NOS1AP: variants seen among roughly 807,000 people sequenced by gnomAD.
NOS1AP encodes the protein carboxyl-terminal PDZ ligand of neuronal nitric oxide synthase protein.
A neutral mutation model predicts 56.2 loss-of-function variants in NOS1AP; 21 were observed. That is an observed-to-expected ratio of 0.37 (90% CI 0.26 to 0.54). The LOEUF (loss-of-function observed/expected upper bound fraction) is 0.54, where lower values mean the gene tolerates loss of function less well. Among genes scored for constraint, NOS1AP ranks in the 20% least tolerant of loss-of-function variants. The pLI is 0.84. For missense variants in NOS1AP, 522 were observed against 657.8 expected, an observed-to-expected ratio of 0.79 and a Z score of 2.26; for synonymous variants, 270 against 274.6, an observed-to-expected ratio of 0.98 and a Z score of 0.17.
At chr1:162,239,292 T>A (rs1653404350) in intron 2 of NOS1AP, among the ~76,000 whole-genome samples, 1 of 152,216 alleles carries the variant, frequency 6.6e-6, no homozygotes, top group African/African-American at 2.4e-5. Flanking sequence ...GTCTAGGAAG[T>A]AGCCATTGTG....
chr1:162,101,150 C>T (rs1398620739), intron 1 of NOS1AP, among the ~76,000 whole-genome samples: 2 of 152,166 alleles, frequency 1.3e-5, no homozygotes, highest in African/African-American at 2.4e-5. Flanking sequence ...CAGTTTTCTA[C>T]ATATGGCTGG....
chr1:162,100,227 G>A (rs1396051669), intron 1 of NOS1AP, among the ~76,000 whole-genome samples: 3 of 151,948 alleles, frequency 2.0e-5, no homozygotes, highest in Non-Finnish European at 4.4e-5. Flanking sequence ...CACAATGGTT[G>A]AACTAGTTTA....
rs536598261 is a variant in NOS1AP at position 162,110,125 on chromosome 1, C to T, written c.105+39843C>T. Among the ~76,000 whole-genome samples the T allele has an allele frequency of 9.9e-5, 15 of 152,188 alleles. No individual in the cohort carries two copies. The East Asian group carries it at 1.2e-3, about 12-fold the overall frequency. ...AACCTGGGTCTCTGAACTTCCACTG[C>T]GCTGCATTCTACTGCTTTGCTCTCA... On this transcript the variant is annotated intron_variant, in intron 1 of 9. Transcript: ENST00000361897.
At chr1:162,303,494 A>G (rs1209002103) in intron 4 of NOS1AP, among the ~76,000 whole-genome samples, 1 of 152,136 alleles carries the variant, frequency 6.6e-6, no homozygotes, top group African/African-American at 2.4e-5. Context: ...AGGCTGGAGT[A>G]CCAGTGGTGT....
At chr1:162,082,903 T>C (rs772650170) in intron 1 of NOS1AP, among the ~76,000 whole-genome samples, 15 of 622 alleles carry the variant, frequency 0.024, 1 homozygote, top group Non-Finnish European at 1. Context: ...TTTTTTTTTT[T>C]TTTTTTTTTT....
intron 2 of NOS1AP, among the ~76,000 whole-genome samples, chr1:162,207,455 C>T (rs980628856): frequency 2.6e-5 from 4 of 152,172 alleles, no homozygotes; most frequent in Admixed American, 6.5e-5. Context: ...CAGAGCTGTT[C>T]GAGCTGGTTC....
chr1:162,304,780 CTGTGTGTG>C (rs3055849), intron 4 of NOS1AP, among the ~76,000 whole-genome samples: 206 of 146,192 alleles, frequency 1.4e-3, no homozygotes, highest in Non-Finnish European at 2.6e-3. Flanking sequence ...ATTTTTATAT[CTGTGTGTG>C]TGTGTGTGTG....
chr1:162,254,621 C>A (rs1002192017), intron 2 of NOS1AP, among the ~76,000 whole-genome samples: 1 of 152,156 alleles, frequency 6.6e-6, no homozygotes, highest in African/African-American at 2.4e-5. Flanking sequence ...CAGTAGCTAG[C>A]GTGTCACAAG....
chr1:162,265,223 TC>T (rs910334547), intron 2 of NOS1AP, among the ~76,000 whole-genome samples: 1 of 130,384 alleles, frequency 7.7e-6, no homozygotes, highest in Non-Finnish European at 1.6e-5. Context: ...AGGGTCGTTT[TC>T]TTTTTTTTTT....
At chr1:162,270,862 A>G (rs1234247313) in intron 2 of NOS1AP, among the ~76,000 whole-genome samples, 6 of 152,212 alleles carry the variant, frequency 3.9e-5, no homozygotes, top group African/African-American at 1.2e-4. Flanking sequence ...GTTGGTTGGC[A>G]TATCTGCCTG....
At chr1:162,311,832 G>T (rs1656042302) in intron 4 of NOS1AP, among the ~76,000 whole-genome samples, 1 of 144,056 alleles carries the variant, frequency 6.9e-6, no homozygotes, top group Non-Finnish European at 1.5e-5. Context: ...AATATGCGGT[G>T]TTTGGTTTTT....
intron 2 of NOS1AP, among the ~76,000 whole-genome samples, chr1:162,170,008 A>T (rs1268914000): frequency 6.6e-6 from 1 of 152,172 alleles, no homozygotes. Context: ...CTTTGCTACG[A>T]AATCTTCCCT....
chr1:162,139,215 A>T (rs1649130637), intron 1 of NOS1AP, among the ~76,000 whole-genome samples: 1 of 152,058 alleles, frequency 6.6e-6, no homozygotes, highest in Non-Finnish European at 1.5e-5. Flanking sequence ...TCCAGGGATG[A>T]GGTGGTTGAA....
chr1:162,310,290 G>C (rs1655983799), intron 4 of NOS1AP, among the ~76,000 whole-genome samples: 1 of 152,220 alleles, frequency 6.6e-6, no homozygotes, highest in Admixed American at 6.5e-5. Flanking sequence ...TGGTTTATAA[G>C]TGATGGGGTG....
chr1:162,265,259 G>C (rs1479750610), intron 2 of NOS1AP, among the ~76,000 whole-genome samples: 2 of 148,912 alleles, frequency 1.3e-5, no homozygotes, highest in African/African-American at 2.5e-5. Flanking sequence ...TTAAGTTTTA[G>C]GGTACATGTG....
chr1:162,330,921 G>A (rs1347530065), intron 4 of NOS1AP, among the ~76,000 whole-genome samples: 1 of 152,172 alleles, frequency 6.6e-6, no homozygotes, highest in Non-Finnish European at 1.5e-5. Context: ...AATGGAGGAA[G>A]CTGTTGAGAA....
Position 162,105,998 on chromosome 1 carries a change from C to A in NOS1AP, c.105+35716C>A, listed in dbSNP as rs185057571. Among the ~76,000 whole-genome samples the A allele has an allele frequency of 6.4e-3, 977 of 152,312 alleles. 17 individuals are homozygous for A. The highest frequency in any genetic ancestry group is 0.023 in the African/African-American group (949 of 41,564). On this transcript the variant is annotated intron_variant, in intron 1 of 9. Coordinates refer to ENST00000361897, the MANE Select transcript of NOS1AP (RefSeq NM_014697.3). ...TGGATCTCCCACCTTGCCATGGATGCCGGGGCCAGAGTATGCAAAACTCCT... is the reference window on the plus strand; with the variant it reads ...TGGATCTCCCACCTTGCCATGGATGACGGGGCCAGAGTATGCAAAACTCCT...
chr1:162,321,731 A>AAAAT (rs1480278757), intron 4 of NOS1AP, among the ~76,000 whole-genome samples: 74 of 128,480 alleles, frequency 5.8e-4, no homozygotes, highest in African/African-American at 2.0e-3. Flanking sequence ...AAAAAAAAAA[A>AAAAT]ATATATATAT....
At chr1:162,176,505 C>CTTTTTTTTTTT (rs34280743) in intron 2 of NOS1AP, among the ~76,000 whole-genome samples, 1 of 87,468 alleles carries the variant, frequency 1.1e-5, no homozygotes, top group Non-Finnish European at 2.0e-5. Flanking sequence ...CATAATAGCT[C>CTTTTTTTTTTT]TTTTTTTTTT....
Sources: gnomAD v4.1 joint callset for allele counts (sites outside exome capture counted in the v4.1 genomes callset) on GRCh38, gnomAD v4.1.1 for gene constraint, MANE v1.5 for transcripts, NCBI Gene and HGNC (gene_info 2026-07-23, HGNC 2026-07-21) for gene names.